Variants in DLG2 observed in about 807,000 individuals in gnomAD.
DLG2 encodes disks large homolog 2.
A neutral mutation model predicts 132.5 loss-of-function variants in DLG2; 45 were observed. The observed-to-expected ratio is 0.34, with a 90% CI of 0.27 to 0.44. The LOEUF (loss-of-function observed/expected upper bound fraction) is 0.44, where lower values mean the gene tolerates loss of function less well. Among genes scored for constraint, DLG2 ranks in the 20% least tolerant of loss-of-function variants. DLG2 has a pLI of 1.00. For synonymous variants in DLG2, 424 were observed against 419.6 expected (o/e 1.01, Z -0.13); for missense variants, 1,045 against 1,196.9 (o/e 0.87, Z 1.87).
chr11:85,026,032 G>C (rs941252019), intron 6 of DLG2, among the ~76,000 whole-genome samples: 39 of 152,064 alleles, frequency 2.6e-4, no homozygotes, highest in East Asian at 1.4e-3. Flanking sequence ...AAAAAATTTT[G>C]AAGTTATTTT....
chr11:84,614,165 G>A (rs1412667679), intron 6 of DLG2, among the ~76,000 whole-genome samples: 1 of 152,146 alleles, frequency 6.6e-6, no homozygotes, highest in African/African-American at 2.4e-5. Context: ...CAGGTGATAG[G>A]AAAATAAATG....
intron 4 of DLG2, among the ~76,000 whole-genome samples, chr11:85,277,064 T>C (rs928861863): frequency 1.3e-5 from 2 of 152,144 alleles, no homozygotes; most frequent in Admixed American, 6.5e-5. Flanking sequence ...GGAAAAATAT[T>C]CCAGGCAGAG....
intron 6 of DLG2, among the ~76,000 whole-genome samples, chr11:85,070,042 C>T (rs1248343855): frequency 6.6e-6 from 1 of 151,916 alleles, no homozygotes; most frequent in Non-Finnish European, 1.5e-5. Context: ...TCTCAGCAAA[C>T]TATCGCAAGG....
chr11:83,840,218 C>T (rs552479154), intron 16 of DLG2, among the ~76,000 whole-genome samples: 62 of 152,292 alleles, frequency 4.1e-4, no homozygotes, highest in Non-Finnish European at 7.9e-4. Flanking sequence ...TCTATTGCAG[C>T]ATGTTTTACA....
intron 6 of DLG2, among the ~76,000 whole-genome samples, chr11:84,713,036 C>G (rs1209925584): frequency 1.3e-5 from 2 of 152,086 alleles, no homozygotes; most frequent in Non-Finnish European, 2.9e-5. Context: ...TCAAACTCCT[C>G]TCAAAAGAAA....
intron 3 of DLG2, among the ~76,000 whole-genome samples, chr11:85,331,060 A>G (rs569834049): frequency 6.6e-6 from 1 of 152,324 alleles, no homozygotes; most frequent in South Asian, 2.1e-4. Context: ...ATGAAATGAT[A>G]AAATTCTAAA....
At chr11:83,737,551 G>T (rs1372749245) in intron 18 of DLG2, among the ~76,000 whole-genome samples, 4 of 152,128 alleles carry the variant, frequency 2.6e-5, no homozygotes, top group Non-Finnish European at 5.9e-5. Context: ...CGGTGGCAAG[G>T]CACATCAAAG....
At chr11:85,010,491 T>C (rs1211565912) in intron 6 of DLG2, among the ~76,000 whole-genome samples, 1 of 152,104 alleles carries the variant, frequency 6.6e-6, no homozygotes, top group African/African-American at 2.4e-5. Flanking sequence ...GATTAGAAGA[T>C]ACACATGTCC....
chr11:84,896,298 G>A (rs1228223814), intron 6 of DLG2, among the ~76,000 whole-genome samples: 1 of 152,064 alleles, frequency 6.6e-6, no homozygotes, highest in East Asian at 1.9e-4. Flanking sequence ...AGATGGTGAT[G>A]AAGATGGAGA....
intron 3 of DLG2, among the ~76,000 whole-genome samples, chr11:85,385,253 G>A (rs2086231430): frequency 6.6e-6 from 1 of 152,160 alleles, no homozygotes; most frequent in Non-Finnish European, 1.5e-5. Context: ...GTTATTTTAT[G>A]GAAGAAATGT....
At chr11:84,185,805 C>T (rs1183656209) in intron 8 of DLG2, among the ~76,000 whole-genome samples, 2 of 152,236 alleles carry the variant, frequency 1.3e-5, no homozygotes, top group Non-Finnish European at 2.9e-5. Flanking sequence ...TTGTCAAAGG[C>T]CTTTCCTGCA....
At chr11:84,477,034 C>T (rs1417139758) in intron 7 of DLG2, among the ~76,000 whole-genome samples, 2 of 152,080 alleles carry the variant, frequency 1.3e-5, no homozygotes, top group East Asian at 3.9e-4. Flanking sequence ...CCGCAGGAAA[C>T]ACTAGCAGAC....
intron 11 of DLG2, among the ~76,000 whole-genome samples, chr11:83,985,578 G>A (rs1565916873): frequency 2.0e-5 from 3 of 151,836 alleles, no homozygotes; most frequent in African/African-American, 7.3e-5. Context: ...TCATCATTCA[G>A]CTCCCACTTA....
intron 6 of DLG2, among the ~76,000 whole-genome samples, chr11:84,678,910 G>C (rs1206124991): frequency 6.6e-6 from 1 of 151,964 alleles, no homozygotes; most frequent in Non-Finnish European, 1.5e-5. Context: ...TATTGCATAA[G>C]TTTGGAGTGT....
intron 7 of DLG2, among the ~76,000 whole-genome samples, chr11:84,297,498 T>C (rs1331802643): frequency 6.6e-6 from 1 of 152,158 alleles, no homozygotes; most frequent in East Asian, 1.9e-4. Flanking sequence ...ACATACAAAA[T>C]ATATCCTCAG....
At chr11:83,794,836 T>A (rs1440241739) in intron 17 of DLG2, among the ~76,000 whole-genome samples, 1 of 152,158 alleles carries the variant, frequency 6.6e-6, no homozygotes, top group African/African-American at 2.4e-5. Flanking sequence ...TGTAATTTAA[T>A]ATCCTGTCTA....
At chr11:84,325,623 T>C (rs2098426683) in intron 7 of DLG2, among the ~76,000 whole-genome samples, 2 of 152,232 alleles carry the variant, frequency 1.3e-5, no homozygotes, top group South Asian at 4.1e-4. Context: ...GTATATGATC[T>C]TTTCAATGTG....
intron 19 of DLG2, among the ~76,000 whole-genome samples, chr11:83,569,089 T>A (rs2096756153): frequency 6.6e-6 from 1 of 152,210 alleles, no homozygotes; most frequent in Non-Finnish European, 1.5e-5. Flanking sequence ...AGATCTGAAG[T>A]ACAGATTTTT....
At chr11:84,033,081 C>G (rs751082501) in intron 11 of DLG2, among the ~76,000 whole-genome samples, 4 of 152,158 alleles carry the variant, frequency 2.6e-5, no homozygotes, top group Non-Finnish European at 4.4e-5. Flanking sequence ...GTTTTCATGT[C>G]CACTAACACG....
Sources: allele counts gnomAD v4.1 joint callset (sites outside exome capture counted in the v4.1 genomes callset), GRCh38; gene constraint gnomAD v4.1.1; transcripts MANE v1.5; gene names NCBI Gene and HGNC (gene_info 2026-07-23, HGNC 2026-07-21).